The following CCSER1 variants were observed in gnomAD, a reference collection of about 807,000 sequenced individuals.
CCSER1 encodes the protein coiled-coil serine rich protein 1, also known as serine-rich coiled-coil domain-containing protein 1.
In CCSER1, 41 loss-of-function variants were observed where a neutral mutation model predicts 82.0. The observed-to-expected ratio is 0.50, with a 90% CI of 0.39 to 0.65. The LOEUF (loss-of-function observed/expected upper bound fraction) is 0.65. Among genes scored for constraint, CCSER1 ranks in the 30% least tolerant of loss-of-function variants. CCSER1 has a pLI of 0.00. For missense variants in CCSER1, 1,119 were observed against 1,064.2 expected (o/e 1.05, Z -0.72); for synonymous variants, 414 against 383.9 (o/e 1.08, Z -0.92).
At chr4:91,294,164 TTAA>T (rs1217020752) in intron 10 of CCSER1, among the ~76,000 whole-genome samples, 2 of 152,022 alleles carry the variant, frequency 1.3e-5, no homozygotes, top group East Asian at 3.9e-4. Flanking sequence ...CTATAGTTCC[TTAA>T]TAATATTTGC....
At chr4:91,171,487 T>C (rs1732751635) in intron 10 of CCSER1, among the ~76,000 whole-genome samples, 1 of 152,186 alleles carries the variant, frequency 6.6e-6, no homozygotes, top group Non-Finnish European at 1.5e-5. Flanking sequence ...ATATTAAAAG[T>C]CACAGAAATG....
chr4:90,708,229 A>G (rs1441737692), intron 6 of CCSER1, among the ~76,000 whole-genome samples: 1 of 152,228 alleles, frequency 6.6e-6, no homozygotes, highest in African/African-American at 2.4e-5. Flanking sequence ...AAAAGCCTCC[A>G]TAAGCTTCAG....
chr4:90,315,141 C>T (rs139927370), intron 3 of CCSER1, among the ~76,000 whole-genome samples: 3,101 of 152,150 alleles, frequency 0.02, 41 homozygotes, highest in Non-Finnish European at 0.029. Context: ...TGAGCCACCA[C>T]GCTCAGCCCT....
At chr4:90,737,780 T>A (rs966268731) in intron 7 of CCSER1, among the ~76,000 whole-genome samples, 1 of 139,130 alleles carries the variant, frequency 7.2e-6, no homozygotes, top group Non-Finnish European at 1.7e-5. Context: ...TAGGTGTGCT[T>A]CATTCTTTTT....
chr4:91,482,097 T>C (rs1242710625), intron 10 of CCSER1, among the ~76,000 whole-genome samples: 3 of 151,784 alleles, frequency 2.0e-5, no homozygotes, highest in African/African-American at 7.3e-5. Flanking sequence ...GTTAGAATGG[T>C]GATCATTAAA....
chr4:91,235,355 A>G (rs1431750191), intron 10 of CCSER1, among the ~76,000 whole-genome samples: 2 of 152,154 alleles, frequency 1.3e-5, no homozygotes, highest in African/African-American at 4.8e-5. Flanking sequence ...GGAGTTCTTG[A>G]AAATACACTA....
chr4:90,643,700 A>G (rs138315443), intron 6 of CCSER1, among the ~76,000 whole-genome samples: 6 of 152,350 alleles, frequency 3.9e-5, no homozygotes, highest in African/African-American at 1.4e-4. Flanking sequence ...TGGATTTGCC[A>G]TTAGACAAGC....
At chr4:90,636,394 G>T (rs148076308) in intron 6 of CCSER1, among the ~76,000 whole-genome samples, 1 of 151,672 alleles carries the variant, frequency 6.6e-6, no homozygotes, top group African/African-American at 2.4e-5. Context: ...GCCAACATAT[G>T]CCTATTAAAA....
At chr4:90,571,604 G>C (rs2153654283) in intron 5 of CCSER1, among the ~76,000 whole-genome samples, 1 of 152,272 alleles carries the variant, frequency 6.6e-6, no homozygotes, top group African/African-American at 2.4e-5. Context: ...ATGAGGGAGG[G>C]AGGAACGGGG....
intron 10 of CCSER1, among the ~76,000 whole-genome samples, chr4:91,089,559 C>T (rs1581527451): frequency 6.6e-6 from 1 of 152,158 alleles, no homozygotes; most frequent in Admixed American, 6.5e-5. Flanking sequence ...CTACTTATGT[C>T]TTCCCGTGCA....
chr4:90,559,295 C>T (rs1006814962), intron 5 of CCSER1, among the ~76,000 whole-genome samples: 2 of 152,036 alleles, frequency 1.3e-5, no homozygotes, highest in African/African-American at 4.8e-5. Context: ...TAGGAAATTT[C>T]TTAGGAGTAA....
rs189838569 is a variant in CCSER1, at chr4:91,437,143, G to A, written c.2218-161429G>A. On this transcript the variant is annotated intron_variant, in intron 10 of 10. Transcript: ENST00000509176. ...TAAGATTCAGACTTTCAGAGAGAAAGGAAAATATGAGAAATAAATGTCAGA... is the reference window on the plus strand; with the variant it reads ...TAAGATTCAGACTTTCAGAGAGAAAAGAAAATATGAGAAATAAATGTCAGA... 1.3e-3 allele frequency among the ~76,000 whole-genome samples: 196 copies of A among 152,234 alleles called. 1 individual carries two copies. Among genetic ancestry groups the A allele is most frequent in the African/African-American group, 4.5e-3 (188 of 41,568 alleles).
intron 10 of CCSER1, among the ~76,000 whole-genome samples, chr4:91,105,529 C>T (rs1055791053): frequency 5.3e-5 from 8 of 152,052 alleles, no homozygotes; most frequent in Non-Finnish European, 1.2e-4. Flanking sequence ...TATGGTGAAA[C>T]CCCATCTCTA....
intron 5 of CCSER1, among the ~76,000 whole-genome samples, chr4:90,549,339 T>C (rs914697385): frequency 2.0e-5 from 3 of 152,112 alleles, no homozygotes; most frequent in Non-Finnish European, 4.4e-5. Flanking sequence ...ATCAGGAAAA[T>C]TGTCACATCT....
At chr4:90,364,491 T>G (rs1429198023) in intron 3 of CCSER1, among the ~76,000 whole-genome samples, 1 of 152,054 alleles carries the variant, frequency 6.6e-6, no homozygotes, top group African/African-American at 2.4e-5. Context: ...TATTCATTGG[T>G]GAAAATATAA....
At chr4:90,657,753 CTT>C (rs959510940) in intron 6 of CCSER1, among the ~76,000 whole-genome samples, 43 of 152,240 alleles carry the variant, frequency 2.8e-4, no homozygotes, top group African/African-American at 1.0e-3. Context: ...AATTTTTCAT[CTT>C]GTCATGTAAT....
chr4:91,255,937 G>A (rs927327045), intron 10 of CCSER1, among the ~76,000 whole-genome samples: 3 of 152,068 alleles, frequency 2.0e-5, no homozygotes, highest in African/African-American at 4.8e-5. Flanking sequence ...TATGAGATCT[G>A]GGCACCTTGA....
intron 5 of CCSER1, among the ~76,000 whole-genome samples, chr4:90,560,072 G>A (rs1463057927): frequency 6.6e-6 from 1 of 151,906 alleles, no homozygotes; most frequent in African/African-American, 2.4e-5. Flanking sequence ...AACTTATCCT[G>A]GCATAAAAAG....
intron 10 of CCSER1, among the ~76,000 whole-genome samples, chr4:91,383,075 T>C (rs1751037272): frequency 6.6e-6 from 1 of 152,046 alleles, no homozygotes; most frequent in South Asian, 2.1e-4. Context: ...ACACATTCAG[T>C]ATTATCAGTG....
Sources: gnomAD v4.1 joint callset for allele counts (sites outside exome capture counted in the v4.1 genomes callset) on GRCh38, gnomAD v4.1.1 for gene constraint, MANE v1.5 for transcripts, NCBI Gene and HGNC (gene_info 2026-07-23, HGNC 2026-07-21) for gene names.